WDR86: variants seen among roughly 807,000 people sequenced by gnomAD.
The protein encoded by WDR86 is WD repeat domain 86.
In WDR86, 30 loss-of-function variants were observed where a neutral mutation model predicts 36.5. The observed-to-expected ratio is 0.82, with a 90% CI of 0.61 to 1.11. The LOEUF is 1.11. Among genes scored for constraint, WDR86 ranks in the 50% most tolerant of loss-of-function variants. The pLI is 0.00. For synonymous variants in WDR86, 255 were observed against 252.9 expected, an observed-to-expected ratio of 1.01 and a Z score of -0.08; for missense variants, 545 against 561.2, an observed-to-expected ratio of 0.97 and a Z score of 0.29.
At chr7:151,373,446 G>C (rs990099373), downstream of WDR86, among the ~76,000 whole-genome samples, 1 of 152,142 alleles carries the variant, frequency 6.6e-6, no homozygotes, top group African/African-American at 2.4e-5. Context: ...CTCTGCAGCC[G>C]TCCTGCGCTC....
chr7:151,409,681 CGCGGCCATCGCGGGGAACGGGGA>C lies in WDR86; in HGVS notation c.-115_-93del. 1 of 1,287,974 alleles carries C rather than the reference CGCGGCCATCGCGGGGAACGGGGA, an allele frequency of 7.8e-7. No individual in the cohort carries two copies. Among genetic ancestry groups the C allele is most frequent in the South Asian group, 2.5e-5 (1 of 39,742 alleles). 79.8% of individuals were successfully genotyped at this position (1,287,974 alleles called of 1,614,324 possible). ...GCGGCGGCTCCGTACGACTGCGGCC[CGCGGCCATCGCGGGGAACGGGGA>C]GCCCGACTCCTGCGGAGGCACGCGG... On this transcript the variant is annotated 5_prime_UTR_variant, in exon 1 of 6. The change abolishes an upstream ATG in the 5' untranslated region. Coordinates refer to ENST00000334493, the MANE Select transcript of WDR86 (RefSeq NM_198285.3). This position sits in a 1 kb window ranked among gnomAD's most constrained non-coding sequence, Gnocchi z 5.2.
Position 151,381,260 on chromosome 7 carries a change from G to T in WDR86, c.*322C>A. ...GAAAGGCCCAGTTTCGTGGGGCTGGGGGAGCTGGGGCAGTCCGCCTGCAGC... is the reference window on the plus strand; with the variant it reads ...GAAAGGCCCAGTTTCGTGGGGCTGGTGGAGCTGGGGCAGTCCGCCTGCAGC... On this transcript the variant is annotated 3_prime_UTR_variant, in exon 6 of 6. Transcript: ENST00000334493. This position sits in a 1 kb window ranked among gnomAD's most constrained non-coding sequence, Gnocchi z 4.8. The T allele has an allele frequency of 7.6e-7, 1 of 1,307,934 alleles. No homozygotes were observed. 81.0% of individuals were successfully genotyped at this position (1,307,934 alleles called of 1,614,324 possible). A position where few individuals can be genotyped will look rare whatever the true frequency, so the allele number is the denominator to read the frequency against.
intron 1 of WDR86, among the ~76,000 whole-genome samples, chr7:151,407,669 C>T (rs548690559): frequency 3.0e-4 from 45 of 151,978 alleles, no homozygotes; most frequent in Non-Finnish European, 5.0e-4. Context: ...TGAAGCCCCA[C>T]GTCTAATAAA....
downstream of WDR86, among the ~76,000 whole-genome samples, chr7:151,371,374 C>CATGT (rs1797952200): frequency 7.5e-6 from 1 of 134,028 alleles, no homozygotes; most frequent in Non-Finnish European, 1.6e-5. Flanking sequence ...CCCCCCACCC[C>CATGT]ATGTCATCAG....
At chr7:151,381,017 G>T, downstream of WDR86, 1 of 512,008 alleles carries the variant, frequency 2.0e-6, no homozygotes, top group Non-Finnish European at 2.7e-6. The surrounding 1 kb of genome is among the most constrained non-coding windows in gnomAD (Gnocchi z 4.8). Context: ...CAGGCCGGTT[G>T]TGAGAGGCAG....
chr7:151,381,698 G>A lies in WDR86; in HGVS notation c.1015C>T (p.Leu339Phe), dbSNP rs1313627832. The stretch of plus-strand genomic sequence containing the variant: ...CCTCGGAGCCCGCGCACGTCCCAGA[G>A]GCGCAGGGCGCCGTCGTGCGAGGCG... ...YTASHDGALR[L>F]WDVRGLRGAP... Residue 339 changes from leucine to phenylalanine, a missense_variant, in exon 6 of 6, where the codon CTC becomes TTC. Physicochemically the swap from Leu to Phe is conservative, Grantham distance 22. Transcript: ENST00000334493. The surrounding 1 kb of genome is among the most constrained non-coding windows in gnomAD (Gnocchi z 4.8). 6.7e-7 allele frequency: 1 copy of A among 1,488,102 alleles called. No individual in the cohort carries two copies. The highest frequency in any genetic ancestry group is 8.9e-7 in the Non-Finnish European group (1 of 1,126,356). The allele number at this position is 1,488,102 out of a possible 1,614,324, so 92.2% of individuals were successfully genotyped here.
In WDR86 at chr7:151,401,744, G is replaced by A. The variant is rs1222391791; in HGVS notation, c.164-1503C>T. ...GGGGAGATTATCCTAGATTATCCGG[G>A]GGGTCCTAAATACAACCGCAAGTGG... On this transcript the variant is annotated intron_variant, in intron 1 of 5. Transcript: ENST00000334493. This position sits in a 1 kb window ranked among gnomAD's most constrained non-coding sequence, Gnocchi z 4.3. 6.6e-6 allele frequency among the ~76,000 whole-genome samples: 1 copy of A among 151,816 alleles called. No individual in the cohort carries two copies.
At chr7:151,371,843 C>T (rs77860613), downstream of WDR86, among the ~76,000 whole-genome samples, 1,967 of 152,208 alleles carry the variant, frequency 0.013, 21 homozygotes, top group Non-Finnish European at 0.018. Flanking sequence ...TCCCGGGCTC[C>T]AATGATCCTC....
At chr7:151,377,373 G>A, downstream of WDR86, 1 of 550,900 alleles carries the variant, frequency 1.8e-6, no homozygotes, top group Non-Finnish European at 3.1e-6. Context: ...AGTCCAGGAG[G>A]GGTCCCAGGG....
chr7:151,393,884 G>C (rs1799618033), intron 3 of WDR86, among the ~76,000 whole-genome samples: 1 of 152,196 alleles, frequency 6.6e-6, no homozygotes, highest in Non-Finnish European at 1.5e-5. Context: ...GGGCCGGGGA[G>C]CGTGAAGAGT....
In WDR86 at chr7:151,395,760, A is replaced by T. The variant is rs1459634876; in HGVS notation, c.726+16T>A. ...GGGCTCCCCTGGCTGCTGGGCGGGG[A>T]CCAGGACAGTCTCACCTCCAGACAG... On this transcript the variant is annotated intron_variant, in intron 3 of 5. Coordinates refer to ENST00000334493, the MANE Select transcript of WDR86 (RefSeq NM_198285.3). The T allele has an allele frequency of 1.3e-6, 2 of 1,542,468 alleles. No individual in the cohort carries two copies. The highest frequency in any genetic ancestry group is 2.7e-5 in the African/African-American group (2 of 72,966).
At chr7:151,376,757 C>T (rs752559659), downstream of WDR86, 6 of 1,596,550 alleles carry the variant, frequency 3.8e-6, no homozygotes. Context: ...CGAGCTGCCG[C>T]TGTCGCCAGA....
downstream of WDR86, among the ~76,000 whole-genome samples, chr7:151,380,292 C>G (rs1044922252): frequency 1.3e-5 from 2 of 152,222 alleles, no homozygotes; most frequent in South Asian, 2.1e-4. Flanking sequence ...CATCCGCGCC[C>G]GAGGGCGGAC....
chr7:151,404,999 G>T (rs1236849532), intron 1 of WDR86, among the ~76,000 whole-genome samples: 1 of 152,194 alleles, frequency 6.6e-6, no homozygotes, highest in Admixed American at 6.5e-5. Context: ...GCCACACGGG[G>T]CAGGGATGGC....
At chr7:151,404,995 C>A (rs982582501) in intron 1 of WDR86, among the ~76,000 whole-genome samples, 1 of 152,216 alleles carries the variant, frequency 6.6e-6, no homozygotes, top group African/African-American at 2.4e-5. Flanking sequence ...GGAAGCCACA[C>A]GGGGCAGGGA....
intron 3 of WDR86, among the ~76,000 whole-genome samples, chr7:151,392,268 C>G (rs114005517): frequency 0.015 from 2,350 of 152,170 alleles, 73 homozygotes; most frequent in African/African-American, 0.054. Context: ...TGCCCCCATC[C>G]AGCTGGCCAG....
chr7:151,388,540 G>T lies in WDR86; in HGVS notation c.727-3317C>A, dbSNP rs1025911027. 1.3e-5 allele frequency among the ~76,000 whole-genome samples: 2 copies of T among 152,178 alleles called. No individual in the cohort carries two copies. The highest frequency in any genetic ancestry group is 4.8e-5 in the African/African-American group (2 of 41,454). ...GAAGCAGGTCCTCACACCATCTCTG[G>T]CCCGACCCTCTCCAAAGGAGGCCTG... On this transcript the variant is annotated intron_variant, in intron 3 of 5. Coordinates refer to ENST00000334493, the MANE Select transcript of WDR86 (RefSeq NM_198285.3). The surrounding 1 kb of genome is among the most constrained non-coding windows in gnomAD (Gnocchi z 4.2).
At chr7:151,370,507 ATTATTT>A in the WDR86 span, among the ~76,000 whole-genome samples, 2 of 151,896 alleles carry the variant, frequency 1.3e-5, no homozygotes, top group African/African-American at 2.4e-5. Context: ...GTAAGAATTT[ATTATTT>A]TTATTTTTAT....
At chr7:151,379,816 G>T (rs530124823), downstream of WDR86, among the ~76,000 whole-genome samples, 1 of 152,170 alleles carries the variant, frequency 6.6e-6, no homozygotes, top group Non-Finnish European at 1.5e-5. Context: ...TCAGTGAGGG[G>T]CTGCTCAGGC....
Sources: allele counts gnomAD v4.1 joint callset (sites outside exome capture counted in the v4.1 genomes callset), GRCh38; gene constraint gnomAD v4.1.1; non-coding constraint Gnocchi (gnomAD v3.1); transcripts MANE v1.5; gene names NCBI Gene and HGNC (gene_info 2026-07-23, HGNC 2026-07-21).